Variants in EVL observed in about 807,000 individuals in gnomAD.
The protein encoded by EVL is ena/VASP-like protein.
In EVL, 21 loss-of-function variants were observed where a neutral mutation model predicts 59.6. That is an observed-to-expected ratio of 0.35 (90% CI 0.25 to 0.51). EVL has a LOEUF of 0.51. EVL is among the 20% of genes least tolerant of loss of function. The probability of loss-of-function intolerance (pLI) is 0.97; values close to 1 mark genes in which losing one functional copy is unlikely to be tolerated. For missense variants in EVL, 462 were observed against 546.6 expected, an observed-to-expected ratio of 0.85 and a Z score of 1.54; for synonymous variants, 198 against 203.5, an observed-to-expected ratio of 0.97 and a Z score of 0.23.
intron 2 of EVL, among the ~76,000 whole-genome samples, chr14:100,096,667 C>T (rs1314105978): frequency 1.3e-5 from 2 of 152,178 alleles, no homozygotes; most frequent in Non-Finnish European, 2.9e-5. Context: ...CAGGGCACGA[C>T]TTAGGAATAT....
At chr14:99,985,183 T>C (rs1566962459) in intron 1 of EVL, among the ~76,000 whole-genome samples, 1 of 151,812 alleles carries the variant, frequency 6.6e-6, no homozygotes, top group Admixed American at 6.6e-5. Context: ...GGGCTAGGGA[T>C]AGAGAGCTAT....
Position 100,015,042 on chromosome 14 carries a change from A to C in EVL, c.5+42985A>C, listed in dbSNP as rs2061040343. The stretch of plus-strand genomic sequence containing the variant: ...AGAGTTCTTTTTTTACTTGATTGGC[A>C]CATTAGATTCTGTTCAGATGCTCAG... On this transcript the variant is annotated intron_variant, in intron 1 of 13. Transcript: ENST00000402714. Among the ~76,000 whole-genome samples the C allele has an allele frequency of 2.0e-5, 3 of 152,210 alleles. No homozygotes were observed. In the South Asian group the frequency reaches 6.2e-4, roughly 32 times the overall value.
intron 1 of EVL, among the ~76,000 whole-genome samples, chr14:100,080,307 C>T (rs186775808): frequency 8.5e-5 from 13 of 152,328 alleles, no homozygotes; most frequent in African/African-American, 2.9e-4. Context: ...ATGCGGCCCA[C>T]AGCTTGGACA....
At chr14:99,995,255 A>G (rs895215216) in intron 1 of EVL, among the ~76,000 whole-genome samples, 1 of 152,142 alleles carries the variant, frequency 6.6e-6, no homozygotes, top group Non-Finnish European at 1.5e-5. Flanking sequence ...TGAGATGTCC[A>G]TTATTTACAT....
chr14:100,117,279 C>T (rs1887409923), intron 3 of EVL, among the ~76,000 whole-genome samples: 5 of 152,214 alleles, frequency 3.3e-5, no homozygotes, highest in Admixed American at 3.3e-4. Context: ...GGATACCTCT[C>T]CCGGTGCCAC....
intron 1 of EVL, among the ~76,000 whole-genome samples, chr14:99,982,436 T>C (rs2140171466): frequency 6.6e-6 from 1 of 152,318 alleles, no homozygotes; most frequent in Non-Finnish European, 1.5e-5. Context: ...TACCAGAATG[T>C]TAATTTTAAA....
intron 1 of EVL, among the ~76,000 whole-genome samples, chr14:100,031,582 G>A (rs1276090704): frequency 6.6e-6 from 1 of 152,156 alleles, no homozygotes; most frequent in Non-Finnish European, 1.5e-5. Context: ...TACAATGTTT[G>A]ATCTAGAACT....
intron 1 of EVL, among the ~76,000 whole-genome samples, chr14:100,054,505 T>TG (rs2061696583): frequency 6.6e-6 from 1 of 152,152 alleles, no homozygotes; most frequent in Non-Finnish European, 1.5e-5. Flanking sequence ...CCCAGCCACT[T>TG]CCTTTATCTG....
At position 100,137,693 on chromosome 14, in the gene EVL, C is replaced by T. The variant is rs376868112; in HGVS notation, c.1032-47C>T. On this transcript the variant is annotated intron_variant, in intron 10 of 13. Transcript: ENST00000392920. ...AGCAGCGAGGCTGGTGGGGCAGAGGCGGGCGCTGGCGCCGATTCACATGTC... is the reference window on the plus strand; with the variant it reads ...AGCAGCGAGGCTGGTGGGGCAGAGGTGGGCGCTGGCGCCGATTCACATGTC... The T allele has an allele frequency of 1.7e-4, 277 of 1,613,642 alleles. 1 individual carries two copies. The highest frequency in any genetic ancestry group is 3.7e-4 in the African/African-American group (28 of 74,930).
rs1228006324 is a variant in EVL, at chr14:99,972,184, C to T, written c.5+127C>T. ...GGGCGCGGGGGCTTCCAGAGAACCG[C>T]GGGGGCTCTGCAGAGATTCGGGGGC... On this transcript the variant is annotated intron_variant, in intron 1 of 13. Coordinates refer to the EVL transcript ENST00000402714. The surrounding 1 kb of genome is among the most constrained non-coding windows in gnomAD (Gnocchi z 4.4). The T allele has an allele frequency of 4.9e-6, 1 of 205,308 alleles. No homozygotes were observed. Among genetic ancestry groups the T allele is most frequent in the Non-Finnish European group, 9.8e-6 (1 of 101,524 alleles). 12.7% of individuals were successfully genotyped at this position (205,308 alleles called of 1,614,324 possible).
chr14:100,087,786 C>G (rs915073969), intron 2 of EVL, among the ~76,000 whole-genome samples: 1 of 152,186 alleles, frequency 6.6e-6, no homozygotes, highest in Non-Finnish European at 1.5e-5. Context: ...CTGCTCTGCT[C>G]TGCTCTGCGT....
At chr14:100,030,273 T>A (rs1271144049) in intron 1 of EVL, among the ~76,000 whole-genome samples, 1 of 151,808 alleles carries the variant, frequency 6.6e-6, no homozygotes, top group Non-Finnish European at 1.5e-5. Flanking sequence ...TTTTTTCTTT[T>A]GTATTTTTAG....
At chr14:100,036,164 C>G (rs1271725509) in intron 1 of EVL, among the ~76,000 whole-genome samples, 1 of 152,162 alleles carries the variant, frequency 6.6e-6, no homozygotes. Flanking sequence ...GCAAAGGAGC[C>G]AGGCTGTGCT....
At chr14:100,018,204 C>T (rs567141962) in intron 1 of EVL, among the ~76,000 whole-genome samples, 2 of 152,232 alleles carry the variant, frequency 1.3e-5, no homozygotes, top group Non-Finnish European at 2.9e-5. Flanking sequence ...GAGCAGTGCG[C>T]TGCCCTGTGG....
Position 100,109,814 on chromosome 14 carries a change from C to A in EVL, c.358+12156C>A, listed in dbSNP as rs1886841416. 2.2e-6 allele frequency: 1 copy of A among 456,314 alleles called. No homozygotes were observed. Among genetic ancestry groups the A allele is most frequent in the South Asian group, 1.6e-5 (1 of 61,116 alleles). The allele number at this position is 456,314 out of a possible 1,614,324, so 28.3% of individuals were successfully genotyped here. Reference sequence around the variant, plus strand: ...CCACAGCCTATGGAAGGGCCTTCAGCTGCTGTGGCCCCGAGGTGTGCATAC... The same window carrying A: ...CCACAGCCTATGGAAGGGCCTTCAGATGCTGTGGCCCCGAGGTGTGCATAC... On this transcript the variant is annotated intron_variant, in intron 3 of 13. Coordinates refer to ENST00000392920, the MANE Select transcript of EVL (RefSeq NM_016337.3). The surrounding 1 kb of genome is among the most constrained non-coding windows in gnomAD (Gnocchi z 4.3).
At chr14:99,994,865 A>G (rs932800660) in intron 1 of EVL, among the ~76,000 whole-genome samples, 3 of 152,168 alleles carry the variant, frequency 2.0e-5, no homozygotes, top group African/African-American at 7.2e-5. Flanking sequence ...GAAAGAAGGG[A>G]AAAAAGTCTT....
At chr14:100,039,739 G>C (rs1477435788) in intron 1 of EVL, among the ~76,000 whole-genome samples, 1 of 152,100 alleles carries the variant, frequency 6.6e-6, no homozygotes, top group African/African-American at 2.4e-5. Context: ...CACCCACTCT[G>C]TTCTCTCTGG....
intron 1 of EVL, among the ~76,000 whole-genome samples, chr14:100,019,046 T>C (rs1384786378): frequency 2.0e-5 from 3 of 152,216 alleles, no homozygotes; most frequent in Non-Finnish European, 4.4e-5. Flanking sequence ...GGTAAAGTGG[T>C]GGACATAAAA....
chr14:100,000,845 CTTGGAGAAAGCATTT>C (rs957348067), intron 1 of EVL, among the ~76,000 whole-genome samples: 37 of 152,050 alleles, frequency 2.4e-4, no homozygotes, highest in Admixed American at 1.8e-3. Flanking sequence ...TTAAAAATCT[CTTGGAGAAAGCATTT>C]TTGGAGAAAG....
Sources: gnomAD v4.1 joint callset for allele counts (sites outside exome capture counted in the v4.1 genomes callset) on GRCh38, gnomAD v4.1.1 for gene constraint, Gnocchi (gnomAD v3.1) non-coding constraint, MANE v1.5 for transcripts, NCBI Gene and HGNC (gene_info 2026-07-23, HGNC 2026-07-21) for gene names.